Variants in ABCB10 observed in about 807,000 individuals in gnomAD.
The protein encoded by ABCB10 is ATP-binding cassette sub-family B member 10, mitochondrial.
In ABCB10, 54 loss-of-function variants were observed where a neutral mutation model predicts 65.4. The ratio of observed to expected loss-of-function variants is 0.83; its 90% confidence interval spans 0.66 to 1.04. The LOEUF is 1.04. Ranked by LOEUF, ABCB10 falls within the 50% of genes least tolerant of loss-of-function variation. ABCB10 has a pLI of 0.00. For synonymous variants in ABCB10, 418 were observed against 406.5 expected, an observed-to-expected ratio of 1.03 and a Z score of -0.34; for missense variants, 846 against 976.6, an observed-to-expected ratio of 0.87 and a Z score of 1.78.
In ABCB10 at chr1:229,521,587, C is replaced by A. The variant is rs1247949866; in HGVS notation, c.1950+5G>T. Reference sequence around the variant, plus strand: ...TAAAAAACATCCAAGTCGCTTCAGGCTTACCTTTAGCAGAGCACGGGCAAT... The same window carrying A: ...TAAAAAACATCCAAGTCGCTTCAGGATTACCTTTAGCAGAGCACGGGCAAT... On this transcript the variant is annotated splice_donor_5th_base_variant and intron_variant, in intron 11 of 12. Transcript: ENST00000344517. 2.5e-6 allele frequency: 4 copies of A among 1,600,364 alleles called. No individual in the cohort carries two copies. Among genetic ancestry groups the A allele is most frequent in the Non-Finnish European group, 3.4e-6 (4 of 1,172,582 alleles).
Position 229,518,255 on chromosome 1 carries a change from T to A in ABCB10, c.2141A>T (p.Lys714Ile). 6.2e-7 allele frequency: 1 copy of A among 1,614,206 alleles called. No individual in the cohort carries two copies. Among genetic ancestry groups the A allele is most frequent in the Non-Finnish European group, 8.5e-7 (1 of 1,180,042 alleles). ...LDQGKITEYG[K>I]HEELLSKPNG... is the part of the protein sequence containing the mutation. ...TGGTTTTGAAAGCAGCTCTTCATGT[T>A]TTCCATATTCAGTAATTTTTCCTTG... The change falls in exon 13 of 13, where the codon AAA becomes ATA. Residue 714 changes from lysine (K) to isoleucine (I), a missense_variant. Physicochemically the swap from Lys to Ile is moderately radical, Grantham distance 102. Around this residue, in one of 2 missense-constraint regions of ABCB10, gnomAD observed 632 missense variants for 803.2 expected, o/e 0.79. Coordinates refer to ENST00000344517, the MANE Select transcript of ABCB10 (RefSeq NM_012089.3).
Position 229,532,666 on chromosome 1 carries a change from A to G in ABCB10, c.1340-935T>C, listed in dbSNP as rs537693661. ...GAGGCCAAGGTGGGAGGATTGCTAG[A>G]GCCCAGGAGTTCAACATCAGCCTGG... On this transcript the variant is annotated intron_variant, in intron 6 of 12. Coordinates refer to ENST00000344517, the MANE Select transcript of ABCB10 (RefSeq NM_012089.3). Among the ~76,000 whole-genome samples, 27 of 152,134 alleles carry G rather than the reference A, an allele frequency of 1.8e-4. 1 individual carries two copies. The South Asian group carries it at 2.7e-3, about 15-fold the overall frequency.
At chr1:229,540,078 G>A (rs1250209658) in intron 5 of ABCB10, among the ~76,000 whole-genome samples, 1 of 152,198 alleles carries the variant, frequency 6.6e-6, no homozygotes, top group Non-Finnish European at 1.5e-5. Context: ...TCATAGCAAT[G>A]ACGGAATTGC....
chr1:229,549,549 G>T, intron 1 of ABCB10, 115 bp from the exon 2 acceptor site: 1 of 973,966 alleles, frequency 1.0e-6, no homozygotes, highest in Non-Finnish European at 1.5e-6. Context: ...GTTGATCTCA[G>T]TCTCTAGCAG....
Position 229,558,458 on chromosome 1 carries a change from C to A in ABCB10, c.195G>T (p.Ala65=), listed in dbSNP as rs2102716265. Reference sequence around the variant, plus strand: ...CCCGGCAGCCGCTCCTCCAGCGGCGCGCGGCTCCAACGCCCCAGAGCAGCG... The same window carrying A: ...CCCGGCAGCCGCTCCTCCAGCGGCGAGCGGCTCCAACGCCCCAGAGCAGCG... ...GPALLWGVGA[A]RRWRSGCRGG... is the part of the protein sequence containing the mutation. Residue 65 remains alanine (A), a synonymous_variant, in exon 1 of 13, where the codon GCG becomes GCT. Coordinates refer to ENST00000344517, the MANE Select transcript of ABCB10 (RefSeq NM_012089.3). 8.1e-7 allele frequency: 1 copy of A among 1,227,160 alleles called. No individual in the cohort carries two copies. The highest frequency in any genetic ancestry group is 3.5e-5 in the East Asian group (1 of 28,256). The allele number at this position is 1,227,160 out of a possible 1,614,324, so 76.0% of individuals were successfully genotyped here. A position where few individuals can be genotyped will look rare whatever the true frequency, so the allele number is the denominator to read the frequency against.
intron 8 of ABCB10, among the ~76,000 whole-genome samples, chr1:229,529,107 C>T (rs1201827728): frequency 1.3e-4 from 20 of 150,232 alleles, no homozygotes; most frequent in East Asian, 9.9e-4. Context: ...CTGGCTAACA[C>T]GGTGAAACCC....
intron 2 of ABCB10, among the ~76,000 whole-genome samples, chr1:229,547,993 T>C (rs1343702139): frequency 6.6e-6 from 1 of 151,868 alleles, no homozygotes; most frequent in Non-Finnish European, 1.5e-5. Context: ...GAGGCCTTTT[T>C]TATTTTTACT....
At chr1:229,542,187 G>C in intron 4 of ABCB10, 50 bp downstream of exon 4, 1 of 1,600,422 alleles carries the variant, frequency 6.2e-7, no homozygotes, top group Non-Finnish European at 8.5e-7. Context: ...TAGGATCCTG[G>C]CTATGACCCC....
intron 6 of ABCB10, chr1:229,535,258 C>T (rs1342707642): frequency 1.3e-5 from 2 of 151,742 alleles, no homozygotes; most frequent in Non-Finnish European, 2.9e-5. Context: ...CTGAAAACTC[C>T]TATCTACACA....
chr1:229,549,415 C>T lies in ABCB10; in HGVS notation c.537G>A (p.Thr179=), dbSNP rs12080811. The T allele has an allele frequency of 4.0e-3, 6,416 of 1,613,886 alleles. 217 individuals carry two copies. In the African/African-American group the frequency reaches 0.075, roughly 19 times the overall value. ...RRLAAAVGFL[T]MSSVISMSAP... The stretch of plus-strand genomic sequence containing the variant: ...CAGACATGGAGATAACACTGGACAT[C>T]GTGAGAAATCCAACCGCAGCTAGAA... The change falls in exon 2 of 13, where the codon ACG becomes ACA. Residue 179 remains threonine (T), a synonymous_variant. Transcript: ENST00000344517.
rs558097981 is a variant in ABCB10, at chr1:229,541,963, A to C, written c.1056+274T>G. Among the ~76,000 whole-genome samples the C allele has an allele frequency of 3.4e-3, 499 of 145,556 alleles. 1 individual carries two copies. The highest frequency in any genetic ancestry group is 0.018 in the South Asian group (87 of 4,804). Reference sequence around the variant, plus strand: ...ATGTACCTTGTCTCAAAAAAAAAAAACAAAAAAAAAAAGAAAGAAAAGAAA... The same window carrying C: ...ATGTACCTTGTCTCAAAAAAAAAAACCAAAAAAAAAAAGAAAGAAAAGAAA... On this transcript the variant is annotated intron_variant, in intron 4 of 12. Transcript: ENST00000344517.
chr1:229,521,005 C>T (rs960665723), intron 11 of ABCB10, among the ~76,000 whole-genome samples: 1 of 151,844 alleles, frequency 6.6e-6, no homozygotes, highest in Admixed American at 6.6e-5. Flanking sequence ...TACTAAAAGT[C>T]ACTGGAAAGT....
chr1:229,525,915 C>CAGT, intron 10 of ABCB10, 21 bp downstream of exon 10: 1 of 1,589,776 alleles, frequency 6.3e-7, no homozygotes, highest in Non-Finnish European at 8.6e-7. Flanking sequence ...GACTTTGCTA[C>CAGT]AAAGCAGTAA....
intron 1 of ABCB10, among the ~76,000 whole-genome samples, 199 bp downstream of exon 1, chr1:229,557,927 TCTGCAAACGA>T (rs1663298162): frequency 6.6e-6 from 1 of 152,120 alleles, no homozygotes; most frequent in Admixed American, 6.6e-5. Context: ...AAGTGTAAAA[TCTGCAAACGA>T]GTCCCCAGCT....
At chr1:229,558,056 G>T in intron 1 of ABCB10, 80 bp downstream of exon 1, 1 of 1,247,816 alleles carries the variant, frequency 8.0e-7, no homozygotes, top group African/African-American at 1.6e-5. Flanking sequence ...CGGCCCGGCC[G>T]TGTCCCTCTC....
intron 1 of ABCB10, among the ~76,000 whole-genome samples, chr1:229,552,442 A>C (rs1179985999): frequency 1.3e-5 from 2 of 152,110 alleles, no homozygotes; most frequent in Non-Finnish European, 2.9e-5. Context: ...AACTTCTCCC[A>C]TTATCTATTT....
chr1:229,535,503 T>C (rs1662698609), intron 6 of ABCB10, among the ~76,000 whole-genome samples: 1 of 152,172 alleles, frequency 6.6e-6, no homozygotes, highest in Admixed American at 6.5e-5. Context: ...ATTACAAATA[T>C]ATGACATTCT....
At chr1:229,520,319 A>T (rs535770051) in intron 11 of ABCB10, among the ~76,000 whole-genome samples, 13 of 151,552 alleles carry the variant, frequency 8.6e-5, no homozygotes, top group African/African-American at 2.7e-4. Context: ...AAAATACAAA[A>T]ATCAGCCGGG....
chr1:229,548,903 C>T (rs1473834160), intron 2 of ABCB10, among the ~76,000 whole-genome samples: 1 of 152,090 alleles, frequency 6.6e-6, no homozygotes, highest in Admixed American at 6.6e-5. Context: ...CCTCATGATC[C>T]ACCTGCCTCA....
Sources: gnomAD v4.1 joint callset for allele counts (sites outside exome capture counted in the v4.1 genomes callset) on GRCh38, gnomAD v4.1.1 for gene constraint, gnomAD v4.1.1 regional missense constraint, MANE v1.5 for transcripts, NCBI Gene and HGNC (gene_info 2026-07-23, HGNC 2026-07-21) for gene names.